ATP11C: variants seen among roughly 807,000 people sequenced by gnomAD.
ATP11C encodes the protein phospholipid-transporting ATPase IG.
Under a neutral mutation model 97.4 loss-of-function variants are expected in ATP11C, and 36 were observed. That is an observed-to-expected ratio of 0.37 (90% CI 0.28 to 0.49). The LOEUF (loss-of-function observed/expected upper bound fraction) is 0.49. Ranked by LOEUF, ATP11C falls within the 20% of genes least tolerant of loss-of-function variation. ATP11C has a pLI of 0.98. For synonymous variants in ATP11C, 275 were observed against 290.9 expected (o/e 0.95, Z 0.56); for missense variants, 730 against 824.6 (o/e 0.89, Z 1.40).
chrX:139,773,301 T>C (rs1448855999), intron 19 of ATP11C, among the ~76,000 whole-genome samples: 1 of 111,112 alleles, frequency 9.0e-6, no homozygotes, highest in Non-Finnish European at 1.9e-5. Flanking sequence ...TTATCAGCAG[T>C]GTAAAAACAG....
At chrX:139,834,264 C>T (rs539339117) in intron 1 of ATP11C, among the ~76,000 whole-genome samples, 4 of 111,703 alleles carry the variant, frequency 3.6e-5, no homozygotes, top group African/African-American at 1.3e-4. Flanking sequence ...CAACTGAGGG[C>T]CACTGGAGGA....
chrX:139,787,307 AT>A, intron 14 of ATP11C, 63 bp from the exon 15 acceptor site: 90 of 963,788 alleles, frequency 9.3e-5, no homozygotes, highest in Admixed American at 2.5e-4. Flanking sequence ...TTTTATTATT[AT>A]TTTTTTTGAG....
chrX:139,759,028 C>G (rs746707301), intron 22 of ATP11C, among the ~76,000 whole-genome samples: 1 of 112,278 alleles, frequency 8.9e-6, no homozygotes, highest in East Asian at 2.8e-4. Context: ...AGGTCATCAC[C>G]TGGAAAAGCA....
At chrX:139,797,050 G>A in intron 11 of ATP11C, 126 bp downstream of exon 11, 1 of 510,398 alleles carries the variant, frequency 2.0e-6, no homozygotes. Flanking sequence ...TATTGGCTTA[G>A]AGCCACCATG....
chrX:139,755,547 A>G (rs962536837), intron 23 of ATP11C, among the ~76,000 whole-genome samples: 6 of 111,969 alleles, frequency 5.4e-5, no homozygotes, highest in Non-Finnish European at 1.1e-4. Flanking sequence ...AGCAAAATGA[A>G]CAAAGCTGGA....
Position 139,782,640 on chromosome X carries a change from A to T in ATP11C, c.1859T>A (p.Met620Lys). 8.3e-7 allele frequency: 1 copy of T among 1,203,892 alleles called. No individual in the cohort carries two copies. The highest frequency in any genetic ancestry group is 1.1e-6 in the Non-Finnish European group (1 of 889,335). The change falls in exon 18 of 30, where the codon ATG becomes AAG. Residue 620 changes from methionine to lysine, a missense_variant. Transcript: ENST00000682941. ...TTTTTCTTCTCTGTCTTGTAAGGCCATTTTTGCCTCTATGAGCTGTCTGTT... is the reference window on the plus strand; with the variant it reads ...TTTTTCTTCTCTGTCTTGTAAGGCCTTTTTTGCCTCTATGAGCTGTCTGTT... ...RINRQLIEAK[M>K]ALQDREEKME...
In ATP11C at chrX:139,728,854, T is replaced by A. The variant is rs1371797147; in HGVS notation, c.*112A>T. 2 of 1,045,518 alleles carry A rather than the reference T, an allele frequency of 1.9e-6. No individual in the cohort carries two copies. The highest frequency in any genetic ancestry group is 4.4e-5 in the Admixed American group (2 of 45,095). 86.2% of individuals were successfully genotyped at this position (1,045,518 alleles called of 1,213,427 possible). ...GGTTTAGTGTGTTGCGTATCAAGTA[T>A]CCTGAGATGATAACTTTTTGTAGTT... On this transcript the variant is annotated 3_prime_UTR_variant, in exon 30 of 30. Transcript: ENST00000682941.
chrX:139,816,572 A>G (rs1380142099), intron 4 of ATP11C, among the ~76,000 whole-genome samples: 1 of 112,209 alleles, frequency 8.9e-6, no homozygotes, highest in African/African-American at 3.2e-5. Flanking sequence ...TACCACGCTG[A>G]AACAATTAAT....
intron 19 of ATP11C, among the ~76,000 whole-genome samples, chrX:139,772,108 G>T (rs765693990): frequency 8.9e-6 from 1 of 112,225 alleles, no homozygotes; most frequent in South Asian, 3.7e-4. Flanking sequence ...GTAGCCTAGG[G>T]ATTTGGTGCC....
intron 1 of ATP11C, among the ~76,000 whole-genome samples, chrX:139,866,678 C>T (rs1285693406): frequency 9.2e-6 from 1 of 108,958 alleles, no homozygotes; most frequent in Non-Finnish European, 1.9e-5. Context: ...ACGACTGTGC[C>T]ACCACACTCT....
intron 3 of ATP11C, among the ~76,000 whole-genome samples, chrX:139,818,620 T>C (rs2083338483): frequency 8.9e-6 from 1 of 112,108 alleles, no homozygotes; most frequent in African/African-American, 3.2e-5. Flanking sequence ...TCAATTACAG[T>C]ACCATTTACT....
chrX:139,768,595 G>A (rs1277053240), intron 19 of ATP11C, among the ~76,000 whole-genome samples, 161 bp from the exon 20 acceptor site: 1 of 110,541 alleles, frequency 9.0e-6, no homozygotes, highest in Non-Finnish European at 1.9e-5. Flanking sequence ...CTCTAATAAT[G>A]GCACAACAGT....
intron 2 of ATP11C, among the ~76,000 whole-genome samples, chrX:139,820,682 G>A (rs994247888): frequency 2.7e-5 from 3 of 109,849 alleles, no homozygotes; most frequent in Non-Finnish European, 5.7e-5. Context: ...AATTGCACAC[G>A]GCCAGAACTC....
chrX:139,877,761 C>T (rs2084498364), intron 1 of ATP11C, among the ~76,000 whole-genome samples: 1 of 112,251 alleles, frequency 8.9e-6, no homozygotes, highest in Non-Finnish European at 1.9e-5. Flanking sequence ...GTGACTCATG[C>T]CTGTAAACAC....
At chrX:139,778,280 C>G (rs759566475) in intron 18 of ATP11C, among the ~76,000 whole-genome samples, 1 of 111,719 alleles carries the variant, frequency 9.0e-6, no homozygotes, top group Non-Finnish European at 1.9e-5. Flanking sequence ...TCTGTCACCA[C>G]CAAACCTATC....
At chrX:139,775,500 G>T (rs1476918284) in intron 18 of ATP11C, among the ~76,000 whole-genome samples, 1 of 112,295 alleles carries the variant, frequency 8.9e-6, no homozygotes, top group East Asian at 2.8e-4. Flanking sequence ...CTTCTGAACT[G>T]AAAACTGTGG....
intron 1 of ATP11C, among the ~76,000 whole-genome samples, chrX:139,837,596 T>C (rs983192008): frequency 1.8e-5 from 2 of 112,617 alleles, no homozygotes; most frequent in African/African-American, 3.2e-5. Context: ...ATGTTCTACA[T>C]GCTGTCAAAT....
At chrX:139,904,822 A>C (rs1197692578) in intron 1 of ATP11C, among the ~76,000 whole-genome samples, 3 of 111,789 alleles carry the variant, frequency 2.7e-5, no homozygotes, top group African/African-American at 9.8e-5. Flanking sequence ...AGAATACAGT[A>C]GGAGGGTAGA....
In ATP11C at chrX:139,745,687, T is replaced by C. The variant is rs1316310736; in HGVS notation, c.2964+35A>G. The C allele has an allele frequency of 2.5e-6, 3 of 1,185,014 alleles. No individual in the cohort carries two copies. Among genetic ancestry groups the C allele is most frequent in the African/African-American group, 1.8e-5 (1 of 56,041 alleles). Reference sequence around the variant, plus strand: ...ATGGGAAAAAGACAAGCCATGCTTATAATACCAAAAGATGTAATGACAGGT... The same window carrying C: ...ATGGGAAAAAGACAAGCCATGCTTACAATACCAAAAGATGTAATGACAGGT... On this transcript the variant is annotated intron_variant, in intron 25 of 29. Coordinates refer to ENST00000682941, the MANE Select transcript of ATP11C (RefSeq NM_001353812.2).
Sources: gnomAD v4.1 joint callset for allele counts (sites outside exome capture counted in the v4.1 genomes callset) on GRCh38, gnomAD v4.1.1 for gene constraint, MANE v1.5 for transcripts, NCBI Gene and HGNC (gene_info 2026-07-23, HGNC 2026-07-21) for gene names.